Variants in PTPRT observed in about 807,000 individuals in gnomAD.
The protein encoded by PTPRT is protein tyrosine phosphatase receptor type T.
Under a neutral mutation model 176.8 loss-of-function variants are expected in PTPRT, and 56 were observed. The ratio of observed to expected loss-of-function variants is 0.32; its 90% CI spans 0.26 to 0.40. The LOEUF (loss-of-function observed/expected upper bound fraction) is 0.40. Ranked by LOEUF, PTPRT falls within the 10% of genes least tolerant of loss-of-function variation. The probability of loss-of-function intolerance (pLI) is 1.00; values close to 1 mark genes in which losing one functional copy is unlikely to be tolerated. For synonymous variants in PTPRT, 783 were observed against 739.0 expected (o/e 1.06, Z -0.96); for missense variants, 1,540 against 1,908.2 (o/e 0.81, Z 3.60).
At chr20:42,085,261 A>G (rs1206928641) in intron 28 of PTPRT, among the ~76,000 whole-genome samples, 1 of 152,110 alleles carries the variant, frequency 6.6e-6, no homozygotes, top group Non-Finnish European at 1.5e-5. Flanking sequence ...GTAGTGACCA[A>G]AGCTGCATTA....
chr20:42,098,926 G>A (rs558557802), intron 26 of PTPRT, among the ~76,000 whole-genome samples: 6 of 152,370 alleles, frequency 3.9e-5, no homozygotes, highest in Admixed American at 1.3e-4. Flanking sequence ...CATCCCTGTG[G>A]CCACGATGCT....
At chr20:42,326,426 C>T (rs775086873) in intron 11 of PTPRT, among the ~76,000 whole-genome samples, 2 of 152,018 alleles carry the variant, frequency 1.3e-5, no homozygotes, top group Admixed American at 1.3e-4. Flanking sequence ...ATGACTAGAC[C>T]TAATATATTG....
intron 2 of PTPRT, among the ~76,000 whole-genome samples, chr20:42,803,551 T>C (rs1364156303): frequency 1.3e-5 from 2 of 152,162 alleles, no homozygotes; most frequent in African/African-American, 4.8e-5. Flanking sequence ...TTTTTAATTA[T>C]TTATTATTTA....
intron 1 of PTPRT, among the ~76,000 whole-genome samples, chr20:42,901,024 T>C (rs1162152851): frequency 1.3e-5 from 2 of 152,206 alleles, no homozygotes; most frequent in Non-Finnish European, 2.9e-5. Context: ...ACATGTTCCA[T>C]ATGCTGCAAA....
intron 12 of PTPRT, among the ~76,000 whole-genome samples, chr20:42,297,081 TA>T (rs1282890122): frequency 6.6e-6 from 1 of 151,624 alleles, no homozygotes; most frequent in Non-Finnish European, 1.5e-5. Flanking sequence ...AATGAAAAAA[TA>T]ATAAAGATAT....
Position 42,532,490 on chromosome 20 carries a change from C to T in PTPRT, c.1154-59928G>A, listed in dbSNP as rs181332990. 3.5e-4 allele frequency among the ~76,000 whole-genome samples: 53 copies of T among 152,238 alleles called. 1 individual carries two copies. The highest frequency in any genetic ancestry group is 1.1e-3 in the African/African-American group (47 of 41,548). ...GATCATAGTTCACTGCAGTCTTGAC[C>T]TCCTGGGCTCAAGCAATCCTCCTGC... On this transcript the variant is annotated intron_variant, in intron 7 of 30. Transcript: ENST00000373187.
intron 7 of PTPRT, among the ~76,000 whole-genome samples, chr20:42,560,553 A>G (rs1374177830): frequency 6.6e-6 from 1 of 152,188 alleles, no homozygotes; most frequent in Non-Finnish European, 1.5e-5. Context: ...AATTTCTCAT[A>G]GGGAGCAAAA....
At chr20:42,668,244 C>G (rs922522035) in intron 7 of PTPRT, among the ~76,000 whole-genome samples, 1 of 152,184 alleles carries the variant, frequency 6.6e-6, no homozygotes, top group African/African-American at 2.4e-5. Context: ...CCCTAAGGAG[C>G]ATGGAGTGGC....
rs1474626586 is a variant in PTPRT at position 42,618,829 on chromosome 20, T to C, written c.1153+59037A>G. 1.6e-3 allele frequency among the ~76,000 whole-genome samples: 225 copies of C among 140,818 alleles called. No homozygotes were observed. The Middle Eastern group carries it at 0.017, about 11-fold the overall frequency. The allele number at this position is 140,818 out of a possible 152,430, so 92.4% of individuals were successfully genotyped here. A position where few individuals can be genotyped will look rare whatever the true frequency, so the allele number is the denominator to read the frequency against. On this transcript the variant is annotated intron_variant, in intron 7 of 30. Transcript: ENST00000373187. The stretch of plus-strand genomic sequence containing the variant: ...TCCATCCTTTTATTTTGAGCCTATG[T>C]GTGTCTCTGCACGTGAGATGGGTTT...
At chr20:42,058,758 C>T in the PTPRT span, among the ~76,000 whole-genome samples, 1 of 152,196 alleles carries the variant, frequency 6.6e-6, no homozygotes, top group Non-Finnish European at 1.5e-5. Context: ...CCCAGGCATC[C>T]TTCTAACTGC....
intron 1 of PTPRT, among the ~76,000 whole-genome samples, chr20:43,007,781 A>T (rs1440604895): frequency 6.6e-6 from 1 of 152,212 alleles, no homozygotes; most frequent in Non-Finnish European, 1.5e-5. Flanking sequence ...AAGTTCTGAG[A>T]CTTCAGGCTC....
rs570840599 is a variant in PTPRT, at chr20:42,548,443, A to T, written c.1154-75881T>A. On this transcript the variant is annotated intron_variant, in intron 7 of 30. Coordinates refer to ENST00000373187, the MANE Select transcript of PTPRT (RefSeq NM_007050.6). ...TGGACAGATTTGTAGATATGTTGGAAATACTGGATCACCCTATGGAAAAAA... is the reference window on the plus strand; with the variant it reads ...TGGACAGATTTGTAGATATGTTGGATATACTGGATCACCCTATGGAAAAAA... Among the ~76,000 whole-genome samples, 31 of 152,288 alleles carry T rather than the reference A, an allele frequency of 2.0e-4. No homozygotes were observed. In the South Asian group the frequency reaches 4.1e-3, roughly 20 times the overall value.
intron 2 of PTPRT, among the ~76,000 whole-genome samples, chr20:42,823,456 C>T (rs1201116012): frequency 2.0e-5 from 3 of 151,976 alleles, no homozygotes; most frequent in African/African-American, 7.3e-5. Context: ...CCATGGCACA[C>T]ATATACTCAT....
intron 1 of PTPRT, among the ~76,000 whole-genome samples, chr20:43,118,539 A>G (rs1247058097): frequency 6.6e-6 from 1 of 152,138 alleles, no homozygotes; most frequent in Non-Finnish European, 1.5e-5. Context: ...TCCCAGGTTC[A>G]AGTGATTCTC....
At chr20:42,143,273 T>C (rs1600582353) in intron 17 of PTPRT, among the ~76,000 whole-genome samples, 1 of 152,102 alleles carries the variant, frequency 6.6e-6, no homozygotes, top group African/African-American at 2.4e-5. Context: ...GTTGTGGCAG[T>C]GGCCAGGCGC....
chr20:43,118,534 G>A (rs978360809), intron 1 of PTPRT, among the ~76,000 whole-genome samples: 1 of 152,228 alleles, frequency 6.6e-6, no homozygotes. Flanking sequence ...CCGCCTCCCA[G>A]GTTCAAGTGA....
intron 6 of PTPRT, among the ~76,000 whole-genome samples, chr20:42,736,672 G>A (rs892681628): frequency 1.3e-5 from 2 of 152,242 alleles, no homozygotes; most frequent in Non-Finnish European, 2.9e-5. Flanking sequence ...GGGTTCCTGA[G>A]AACTATGGCT....
At chr20:42,316,727 A>G (rs542830411) in intron 11 of PTPRT, among the ~76,000 whole-genome samples, 11 of 152,246 alleles carry the variant, frequency 7.2e-5, no homozygotes, top group Middle Eastern at 6.8e-3. Context: ...TTGCACAGAC[A>G]TCTTTTGGAT....
rs117851989 is a variant in PTPRT at position 43,090,709 on chromosome 20, A to G, written c.88+98937T>C. Among the ~76,000 whole-genome samples, 869 of 152,340 alleles carry G rather than the reference A, an allele frequency of 5.7e-3. 4 individuals carry two copies. Among genetic ancestry groups the G allele is most frequent in the Non-Finnish European group, 9.3e-3 (632 of 68,040 alleles). ...TAAAAAATTAAAGAAATTTCCTAGA[A>G]TATAGAGCGAGGAGAAATATTTAGA... On this transcript the variant is annotated intron_variant, in intron 1 of 30. Coordinates refer to ENST00000373187, the MANE Select transcript of PTPRT (RefSeq NM_007050.6).
Sources: gnomAD v4.1 joint callset for allele counts (sites outside exome capture counted in the v4.1 genomes callset) on GRCh38, gnomAD v4.1.1 for gene constraint, MANE v1.5 for transcripts, NCBI Gene and HGNC (gene_info 2026-07-23, HGNC 2026-07-21) for gene names.